KRT80: variants seen among roughly 807,000 people sequenced by gnomAD.
The protein encoded by KRT80 is keratin, type II cytoskeletal 80.
A neutral mutation model predicts 51.5 loss-of-function variants in KRT80; 36 were observed. The observed-to-expected ratio is 0.70, with a 90% CI of 0.54 to 0.92. The LOEUF (loss-of-function observed/expected upper bound fraction) is 0.92, where lower values mean the gene tolerates loss of function less well. Among genes scored for constraint, KRT80 ranks in the 40% least tolerant of loss-of-function variants. KRT80 has a pLI of 0.00. For missense variants in KRT80, 566 were observed against 591.7 expected (o/e 0.96, Z 0.45); for synonymous variants, 235 against 248.3 (o/e 0.95, Z 0.50).
At chr12:52,176,031 C>T (rs1941214451) in intron 4 of KRT80, among the ~76,000 whole-genome samples, 2 of 152,288 alleles carry the variant, frequency 1.3e-5, no homozygotes, top group Middle Eastern at 3.4e-3. Context: ...TTCGTTATGG[C>T]CCCAGGAAAG....
chr12:52,180,821 T>G, intron 3 of KRT80, 82 bp downstream of exon 3: 1 of 1,606,214 alleles, frequency 6.2e-7, no homozygotes. Context: ...TGATTGGGCA[T>G]AAAGGAGAGT....
At chr12:52,190,079 T>C (rs1181598309) in intron 1 of KRT80, among the ~76,000 whole-genome samples, 2 of 152,222 alleles carry the variant, frequency 1.3e-5, no homozygotes. Context: ...AGCTCAGCAA[T>C]GCAAGGCTCT....
intron 2 of KRT80, among the ~76,000 whole-genome samples, chr12:52,184,579 G>A (rs1200209744): frequency 6.6e-6 from 1 of 152,224 alleles, no homozygotes; most frequent in Non-Finnish European, 1.5e-5. Flanking sequence ...ACCTACTTTA[G>A]ATTGGCATCA....
intron 1 of KRT80, 74 bp from the exon 2 acceptor site, chr12:52,185,661 A>G: frequency 1.3e-6 from 2 of 1,555,804 alleles, no homozygotes; most frequent in Non-Finnish European, 1.7e-6. Context: ...CTGACCAGCA[A>G]GAGCCCACGG....
At chr12:52,173,227 C>T (rs1941150178) in intron 5 of KRT80, 64 bp from the exon 6 acceptor site, 1 of 1,477,870 alleles carries the variant, frequency 6.8e-7, no homozygotes, top group Non-Finnish European at 9.0e-7. Context: ...TTGTTACCCG[C>T]CTCTGCTTTT....
chr12:52,177,555 C>T (rs1196753435), intron 4 of KRT80, among the ~76,000 whole-genome samples: 1 of 151,958 alleles, frequency 6.6e-6, no homozygotes, highest in African/African-American at 2.4e-5. Flanking sequence ...AGAGGGTTTG[C>T]AGTAGATGAG....
intron 4 of KRT80, 44 bp from the exon 5 acceptor site, chr12:52,173,808 C>T: frequency 6.3e-7 from 1 of 1,583,018 alleles, no homozygotes; most frequent in Non-Finnish European, 8.6e-7. Context: ...GTGGGGAGGG[C>T]ACAAGGACCC....
rs71449837 is a variant in KRT80, at chr12:52,174,805, C to T, written c.667-1041G>A. 9.0e-3 allele frequency among the ~76,000 whole-genome samples: 1,363 copies of T among 152,284 alleles called. 19 individuals are homozygous for T. The highest frequency in any genetic ancestry group is 0.029 in the African/African-American group (1,186 of 41,548). On this transcript the variant is annotated intron_variant, in intron 4 of 8. Transcript: ENST00000394815. ...CAGCTTTCTTTCCTGCTCACAGCCT[C>T]GCACCTTTCTAGCCAGAATGCTCAG...
intron 1 of KRT80, 113 bp downstream of exon 1, chr12:52,191,490 T>C (rs1941479768): frequency 9.4e-7 from 1 of 1,066,460 alleles, no homozygotes; most frequent in Non-Finnish European, 1.4e-6. Context: ...CATCTCCCCA[T>C]TGGCTGGGTG....
chr12:52,180,440 G>T, intron 4 of KRT80, 73 bp downstream of exon 4: 1 of 1,032,042 alleles, frequency 9.7e-7, no homozygotes, highest in Non-Finnish European at 1.3e-6. Context: ...GGATGGCTGT[G>T]CTTCCCCTGT....
Position 52,185,359 on chromosome 12 carries a change from T to C in KRT80, c.509+20A>G. ...CCAGCCCTCAGGCCTTGCTCATGGC[T>C]CTCATGGGGCTCTACGTACCTGATT... On this transcript the variant is annotated intron_variant, in intron 2 of 8. Coordinates refer to ENST00000394815, the MANE Select transcript of KRT80 (RefSeq NM_182507.3). 6.3e-7 allele frequency: 1 copy of C among 1,593,138 alleles called. No homozygotes were observed. Among genetic ancestry groups the C allele is most frequent in the Non-Finnish European group, 8.6e-7 (1 of 1,167,110 alleles).
At chr12:52,188,464 G>T (rs975485015) in intron 1 of KRT80, among the ~76,000 whole-genome samples, 2 of 152,210 alleles carry the variant, frequency 1.3e-5, no homozygotes, top group Non-Finnish European at 2.9e-5. Flanking sequence ...GAGGCTGCAG[G>T]TCTTACAGGG....
At position 52,172,376 on chromosome 12, in the gene KRT80, C is replaced by T; in HGVS notation, c.1000G>A (p.Gly334Ser). Residue 334 changes from glycine to serine, a missense_variant, in exon 7 of 9, where the codon GGT becomes AGT. Gly to Ser is a moderately conservative substitution (Grantham distance 56, BLOSUM62 0). Transcript: ENST00000394815. The part of the protein sequence containing the change: ...EENIKTAEEQ[G>S]ELAFQDAKTK... The stretch of plus-strand genomic sequence containing the variant: ...TTGGCATCCTGGAAGGCCAGCTCAC[C>T]CTGCTCCTCAGCTGTCTTGATGTTC... 3.1e-6 allele frequency: 5 copies of T among 1,614,160 alleles called. No homozygotes were observed. Among genetic ancestry groups the T allele is most frequent in the Non-Finnish European group, 4.2e-6 (5 of 1,179,998 alleles).
chr12:52,180,311 A>T (rs916013816), intron 4 of KRT80, among the ~76,000 whole-genome samples: 3 of 152,182 alleles, frequency 2.0e-5, no homozygotes, highest in Non-Finnish European at 4.4e-5. Flanking sequence ...CCCATGTTCC[A>T]TGAGATGAAT....
At chr12:52,184,688 T>C (rs1416242003) in intron 2 of KRT80, among the ~76,000 whole-genome samples, 1 of 152,196 alleles carries the variant, frequency 6.6e-6, no homozygotes, top group African/African-American at 2.4e-5. Context: ...TGATGAAGAT[T>C]AAACCTCATT....
chr12:52,173,268 T>G, intron 5 of KRT80, 105 bp from the exon 6 acceptor site: 1 of 1,361,614 alleles, frequency 7.3e-7, no homozygotes, highest in Non-Finnish European at 9.6e-7. Context: ...TCTCCAACTC[T>G]GCAGCCCACC....
At position 52,171,379 on chromosome 12, in the gene KRT80, T is replaced by A. The variant is rs771283392; in HGVS notation, c.*19A>T. 3 of 1,561,698 alleles carry A rather than the reference T, an allele frequency of 1.9e-6. No individual in the cohort carries two copies. In the South Asian group the frequency reaches 3.7e-5, roughly 19 times the overall value. ...CCTGCTGCAGTGGAGTGCCCTGGGG[T>A]TCCTGGGGTCCAGCCGCCTTACTCT... is the stretch of plus-strand genomic sequence containing the variant. On this transcript the variant is annotated 3_prime_UTR_variant, in exon 9 of 9. Transcript: ENST00000394815.
At chr12:52,184,950 C>A (rs1465187071) in intron 2 of KRT80, among the ~76,000 whole-genome samples, 2 of 152,192 alleles carry the variant, frequency 1.3e-5, no homozygotes, top group Non-Finnish European at 2.9e-5. Context: ...CAGTCGAGAT[C>A]AAAATCTAAA....
chr12:52,185,670 G>A (rs751420255), intron 1 of KRT80, 83 bp from the exon 2 acceptor site: 4 of 1,548,102 alleles, frequency 2.6e-6, no homozygotes, highest in South Asian at 1.2e-5. Context: ...AAGAGCCCAC[G>A]GAGGGCTCCC....
Sources: allele counts gnomAD v4.1 joint callset (sites outside exome capture counted in the v4.1 genomes callset), GRCh38; gene constraint gnomAD v4.1.1; transcripts MANE v1.5; gene names NCBI Gene and HGNC (gene_info 2026-07-23, HGNC 2026-07-21).